CDYL2: variants seen among roughly 807,000 people sequenced by gnomAD.
CDYL2 encodes chromodomain Y like 2, also known as chromodomain Y-like protein 2.
CDYL2 carries 23 observed loss-of-function variants against 49.4 expected under a neutral mutation model. The observed-to-expected ratio is 0.47, with a 90% CI of 0.34 to 0.66. CDYL2 has a LOEUF of 0.66. Ranked by LOEUF, CDYL2 falls within the 30% of genes least tolerant of loss-of-function variation. CDYL2 has a pLI of 0.01. For synonymous variants in CDYL2, 360 were observed against 268.8 expected (o/e 1.34, Z -3.32); for missense variants, 678 against 656.4 (o/e 1.03, Z -0.36).
intron 1 of CDYL2, among the ~76,000 whole-genome samples, chr16:80,714,564 G>A (rs1597094300): frequency 1.3e-5 from 2 of 152,116 alleles, no homozygotes; most frequent in East Asian, 3.8e-4. Flanking sequence ...ATCTGTTGTT[G>A]TGTCTCCTGC....
At chr16:80,650,594 G>C (rs1015302479) in intron 2 of CDYL2, among the ~76,000 whole-genome samples, 6 of 152,140 alleles carry the variant, frequency 3.9e-5, no homozygotes, top group African/African-American at 1.4e-4. Flanking sequence ...GAAATACCAT[G>C]TGATCCAGCA....
intron 1 of CDYL2, among the ~76,000 whole-genome samples, chr16:80,786,267 G>GA (rs1907432671): frequency 6.6e-6 from 1 of 152,168 alleles, no homozygotes; most frequent in Admixed American, 6.5e-5. Context: ...AAATTTACAA[G>GA]AAAAAAGCAA....
chr16:80,671,975 C>T (rs139624674), intron 2 of CDYL2, among the ~76,000 whole-genome samples: 1 of 152,278 alleles, frequency 6.6e-6, no homozygotes, highest in African/African-American at 2.4e-5. Flanking sequence ...TTGGGTATAC[C>T]TTATCCAAAA....
chr16:80,772,951 C>T (rs1906956839), intron 1 of CDYL2, among the ~76,000 whole-genome samples: 1 of 152,004 alleles, frequency 6.6e-6, no homozygotes, highest in Non-Finnish European at 1.5e-5. Flanking sequence ...TAGTTTTAAG[C>T]TCAAATATAT....
intron 1 of CDYL2, among the ~76,000 whole-genome samples, chr16:80,770,896 A>G (rs945938739): frequency 6.6e-6 from 1 of 152,248 alleles, no homozygotes; most frequent in Non-Finnish European, 1.5e-5. Flanking sequence ...GGGAGAAAAC[A>G]GAAAGCCAGG....
intron 1 of CDYL2, among the ~76,000 whole-genome samples, chr16:80,790,359 C>A (rs368931541): frequency 1.6e-4 from 25 of 152,256 alleles, no homozygotes; most frequent in African/African-American, 4.8e-4. Flanking sequence ...AATCAAGGTG[C>A]AAAAACAACC....
chr16:80,658,020 C>A (rs1908883038), intron 2 of CDYL2, among the ~76,000 whole-genome samples: 1 of 145,282 alleles, frequency 6.9e-6, no homozygotes, highest in Non-Finnish European at 1.5e-5. Flanking sequence ...GTATACATTC[C>A]AATAAAGAGA....
At chr16:80,769,334 G>T (rs1906830794) in intron 1 of CDYL2, among the ~76,000 whole-genome samples, 1 of 152,200 alleles carries the variant, frequency 6.6e-6, no homozygotes, top group Admixed American at 6.5e-5. Context: ...TGGAGGTGAT[G>T]CTGAAAGCCA....
At chr16:80,744,163 C>A (rs1379793793) in intron 1 of CDYL2, among the ~76,000 whole-genome samples, 1 of 152,214 alleles carries the variant, frequency 6.6e-6, no homozygotes, top group Non-Finnish European at 1.5e-5. Context: ...CAGCAAAAGA[C>A]TGAGATCAGA....
chr16:80,785,054 G>A (rs1047527620), intron 1 of CDYL2, among the ~76,000 whole-genome samples: 2 of 152,172 alleles, frequency 1.3e-5, no homozygotes, highest in East Asian at 3.9e-4. Context: ...AGGTAGGCAA[G>A]GGCAAGATCA....
At chr16:80,798,773 C>G (rs1159028478) in intron 1 of CDYL2, among the ~76,000 whole-genome samples, 1 of 151,152 alleles carries the variant, frequency 6.6e-6, no homozygotes, top group Non-Finnish European at 1.5e-5. Flanking sequence ...AGCAATTTCA[C>G]TGTATATGAA....
At chr16:80,611,575 C>T (rs987153711) in intron 5 of CDYL2, among the ~76,000 whole-genome samples, 12 of 152,212 alleles carry the variant, frequency 7.9e-5, no homozygotes, top group Non-Finnish European at 1.6e-4. Context: ...ATTAACCCCT[C>T]AGATGTGGGA....
chr16:80,721,021 C>G (rs1383208430), intron 1 of CDYL2, among the ~76,000 whole-genome samples: 1 of 152,074 alleles, frequency 6.6e-6, no homozygotes, highest in Non-Finnish European at 1.5e-5. Flanking sequence ...TGGAGAGACC[C>G]TAAGTGCAGT....
chr16:80,607,692 G>A (rs1265043970), intron 6 of CDYL2, among the ~76,000 whole-genome samples: 3 of 152,194 alleles, frequency 2.0e-5, no homozygotes, highest in Non-Finnish European at 4.4e-5. Context: ...ATGAAATAGA[G>A]GCATGGTGTG....
At chr16:80,760,095 G>A (rs1349369863) in intron 1 of CDYL2, among the ~76,000 whole-genome samples, 2 of 152,190 alleles carry the variant, frequency 1.3e-5, no homozygotes, top group Non-Finnish European at 2.9e-5. Flanking sequence ...ACTTTATAAA[G>A]ATGGTTTGCT....
intron 1 of CDYL2, among the ~76,000 whole-genome samples, chr16:80,734,365 C>T (rs1567589145): frequency 6.6e-6 from 1 of 152,206 alleles, no homozygotes; most frequent in African/African-American, 2.4e-5. Flanking sequence ...TTGAGGAACA[C>T]TTTCCATAGG....
intron 1 of CDYL2, among the ~76,000 whole-genome samples, chr16:80,733,726 G>A (rs1348116094): frequency 6.6e-6 from 1 of 152,164 alleles, no homozygotes; most frequent in Non-Finnish European, 1.5e-5. Flanking sequence ...TGATGCAACT[G>A]TCAGGATGTT....
chr16:80,768,615 T>G (rs1328348845), intron 1 of CDYL2, among the ~76,000 whole-genome samples: 1 of 152,192 alleles, frequency 6.6e-6, no homozygotes, highest in African/African-American at 2.4e-5. Flanking sequence ...TAATCCCATC[T>G]ATGTGGGCCC....
intron 3 of CDYL2, among the ~76,000 whole-genome samples, chr16:80,624,246 C>A (rs1022385347): frequency 1.3e-5 from 2 of 152,144 alleles, no homozygotes; most frequent in Admixed American, 6.5e-5. Flanking sequence ...ACAGGCTCAG[C>A]CCTTCTAGTC....
Sources: allele counts gnomAD v4.1 joint callset (sites outside exome capture counted in the v4.1 genomes callset), GRCh38; gene constraint gnomAD v4.1.1; transcripts MANE v1.5; gene names NCBI Gene and HGNC (gene_info 2026-07-23, HGNC 2026-07-21).